FLRT2: variants seen among roughly 807,000 people sequenced by gnomAD.
FLRT2 encodes leucine-rich repeat transmembrane protein FLRT2.
FLRT2 carries 15 observed loss-of-function variants against 40.0 expected under a neutral mutation model. The ratio of observed to expected loss-of-function variants is 0.38; its 90% CI spans 0.25 to 0.58. The LOEUF (loss-of-function observed/expected upper bound fraction) is 0.58, where lower values mean the gene tolerates loss of function less well. Among genes scored for constraint, FLRT2 ranks in the 20% least tolerant of loss-of-function variants. The pLI is 0.71. For synonymous variants in FLRT2, 380 were observed against 336.8 expected (o/e 1.13, Z -1.41); for missense variants, 726 against 840.0 (o/e 0.86, Z 1.68).
chr14:85,589,232 G>C (rs1891774482), intron 1 of FLRT2, among the ~76,000 whole-genome samples: 1 of 152,124 alleles, frequency 6.6e-6, no homozygotes, highest in Admixed American at 6.5e-5. Context: ...CCCACCAGCA[G>C]GGTACAAAAG....
At chr14:85,554,121 A>C (rs1158663979) in intron 1 of FLRT2, among the ~76,000 whole-genome samples, 1 of 152,146 alleles carries the variant, frequency 6.6e-6, no homozygotes, top group Admixed American at 6.5e-5. Flanking sequence ...AACTTATTCA[A>C]AGGCTTTGTT....
intron 1 of FLRT2, among the ~76,000 whole-genome samples, chr14:85,608,307 G>A (rs1357000268): frequency 6.6e-6 from 1 of 151,674 alleles, no homozygotes. Flanking sequence ...TCGGCTCACT[G>A]CAGCCTCCAC....
rs531634984 is a variant in FLRT2 at position 85,623,110 on chromosome 14, G to A, written c.1596G>A (p.Thr532=). 16 of 1,611,990 alleles carry A rather than the reference G, an allele frequency of 9.9e-6. No homozygotes were observed. In the Admixed American group the frequency reaches 2.0e-4, roughly 20 times the overall value. Residue 532 remains threonine, a synonymous_variant, in exon 2 of 2, where the codon ACG becomes ACA. Transcript: ENST00000330753. ...ACACAGCGTCCAGCCATGAGCAGACGACGTCCCACAGCATGGGCTCCCCCT... is the reference window on the plus strand; with the variant it reads ...ACACAGCGTCCAGCCATGAGCAGACAACGTCCCACAGCATGGGCTCCCCCT... ...GSNTASSHEQ[T]TSHSMGSPFL...
chr14:85,620,853 T>TA (rs1188470488), intron 1 of FLRT2, among the ~76,000 whole-genome samples: 4 of 152,182 alleles, frequency 2.6e-5, no homozygotes, highest in African/African-American at 9.7e-5. Context: ...TGCAAATAGA[T>TA]AAAGAATAGA....
rs1006389088 is a variant in FLRT2, at chr14:85,624,544, C to A, written c.*1047C>A. The A allele has an allele frequency of 6.0e-6, 1 of 167,018 alleles. No homozygotes were observed. The highest frequency in any genetic ancestry group is 2.4e-5 in the African/African-American group (1 of 41,464). 10.3% of individuals were successfully genotyped at this position (167,018 alleles called of 1,614,324 possible). On this transcript the variant is annotated 3_prime_UTR_variant, in exon 2 of 2. Coordinates refer to ENST00000330753, the MANE Select transcript of FLRT2 (RefSeq NM_013231.6). Reference sequence around the variant, plus strand: ...CTTCCTGCTATTTAGACAAAAACAACTGATCAGTGGTTCTGTTATGTCAGC... The same window carrying A: ...CTTCCTGCTATTTAGACAAAAACAAATGATCAGTGGTTCTGTTATGTCAGC...
Position 85,634,510 on chromosome 14 carries a change from A to G in FLRT2, c.*11013A>G, listed in dbSNP as rs1265993945. The G allele has an allele frequency of 6.6e-6, 1 of 152,226 alleles. No homozygotes were observed. Among genetic ancestry groups the G allele is most frequent in the Non-Finnish European group, 1.5e-5 (1 of 68,030 alleles). The allele number at this position is 152,226 out of a possible 1,614,324, so 9.4% of individuals were successfully genotyped here. On this transcript the variant is annotated 3_prime_UTR_variant, in exon 2 of 2. Coordinates refer to ENST00000330753, the MANE Select transcript of FLRT2 (RefSeq NM_013231.6). ...CTGTTTTGTAATGGAGGCCAATTATATCTAACAGCAACTGTGTCTATAAGA... is the reference window on the plus strand; with the variant it reads ...CTGTTTTGTAATGGAGGCCAATTATGTCTAACAGCAACTGTGTCTATAAGA...
intron 1 of FLRT2, among the ~76,000 whole-genome samples, chr14:85,606,302 T>C (rs1341640445): frequency 1.3e-5 from 2 of 152,184 alleles, no homozygotes; most frequent in Non-Finnish European, 2.9e-5. Context: ...CAGTGTTTTC[T>C]ATGATTAAAT....
At chr14:85,567,462 A>T (rs1387481493) in intron 1 of FLRT2, among the ~76,000 whole-genome samples, 2 of 152,100 alleles carry the variant, frequency 1.3e-5, no homozygotes, top group Non-Finnish European at 2.9e-5. Context: ...ATTGGCTTAT[A>T]TCTTAGCTCT....
At position 85,623,694 on chromosome 14, in the gene FLRT2, TACAA is replaced by T. The variant is rs1943807211; in HGVS notation, c.*201_*204del. ...GCTATCTTTTCTATTTCAAGTTAAT[TACAA>T]ACAGTTTTGTAACTCTTTGCTTTTT... On this transcript the variant is annotated 3_prime_UTR_variant, in exon 2 of 2. Coordinates refer to ENST00000330753, the MANE Select transcript of FLRT2 (RefSeq NM_013231.6). 1 of 447,604 alleles carries T rather than the reference TACAA, an allele frequency of 2.2e-6. No individual in the cohort carries two copies. Among genetic ancestry groups the T allele is most frequent in the African/African-American group, 2.0e-5 (1 of 49,292 alleles). 27.7% of individuals were successfully genotyped at this position (447,604 alleles called of 1,614,324 possible).
At chr14:85,548,170 A>T (rs543543675) in intron 1 of FLRT2, among the ~76,000 whole-genome samples, 26 of 152,322 alleles carry the variant, frequency 1.7e-4, no homozygotes, top group African/African-American at 6.3e-4. Flanking sequence ...GTGTGGCCTC[A>T]ACCTACTTCT....
At chr14:85,617,843 G>C (rs1409704379) in intron 1 of FLRT2, among the ~76,000 whole-genome samples, 1 of 152,138 alleles carries the variant, frequency 6.6e-6, no homozygotes, top group African/African-American at 2.4e-5. Flanking sequence ...TGTCATAGCC[G>C]ATCAACACAT....
At chr14:85,566,472 C>T (rs1193197722) in intron 1 of FLRT2, among the ~76,000 whole-genome samples, 2 of 151,844 alleles carry the variant, frequency 1.3e-5, no homozygotes, top group Non-Finnish European at 1.5e-5. Flanking sequence ...TATCTTGATG[C>T]TCAGCCTGTA....
chr14:85,557,512 T>C (rs1006089589), intron 1 of FLRT2, among the ~76,000 whole-genome samples: 1 of 151,696 alleles, frequency 6.6e-6, no homozygotes, highest in African/African-American at 2.4e-5. Flanking sequence ...CCAGATAGAG[T>C]ATAAAAACAA....
Position 85,621,890 on chromosome 14 carries a change from C to A in FLRT2, c.376C>A (p.Arg126=). The A allele has an allele frequency of 1.2e-6, 2 of 1,607,652 alleles. No homozygotes were observed. Among genetic ancestry groups the A allele is most frequent in the Non-Finnish European group, 1.7e-6 (2 of 1,176,158 alleles). The change falls in exon 2 of 2, where the codon CGG becomes AGG. Residue 126 remains arginine, a synonymous_variant. Coordinates refer to ENST00000330753, the MANE Select transcript of FLRT2 (RefSeq NM_013231.6). ...GGAAAACAATATTCAGACCATTTCACGGGCTGCTCTTGCCCAGCTCTTGAA... is the reference window on the plus strand; with the variant it reads ...GGAAAACAATATTCAGACCATTTCAAGGGCTGCTCTTGCCCAGCTCTTGAA... ...LQENNIQTIS[R]AALAQLLKLE...
rs1006853204 is a variant in FLRT2, at chr14:85,636,310, A to G, written c.*12813A>G. ...ATTTAATGGTATTTGTATTGCAAACATTGAAATTCTACCTGGCAGTTTAAA... is the reference window on the plus strand; with the variant it reads ...ATTTAATGGTATTTGTATTGCAAACGTTGAAATTCTACCTGGCAGTTTAAA... On this transcript the variant is annotated 3_prime_UTR_variant, in exon 2 of 2. Coordinates refer to ENST00000330753, the MANE Select transcript of FLRT2 (RefSeq NM_013231.6). The G allele has an allele frequency of 7.0e-6, 1 of 143,748 alleles. No homozygotes were observed. The highest frequency in any genetic ancestry group is 2.5e-5 in the African/African-American group (1 of 39,370). The allele number at this position is 143,748 out of a possible 1,614,324, so 8.9% of individuals were successfully genotyped here.
rs548620718 is a variant in FLRT2, at chr14:85,619,985, G to A, written c.-376-1154G>A. Among the ~76,000 whole-genome samples the A allele has an allele frequency of 1.3e-3, 192 of 152,288 alleles. 1 individual carries two copies. Among genetic ancestry groups the A allele is most frequent in the African/African-American group, 4.3e-3 (178 of 41,560 alleles). The stretch of plus-strand genomic sequence containing the variant: ...GTTGAAAAATAATTTACCCCTAGTC[G>A]TGAGCTTGGCAACTCTTCAAGGGAT... On this transcript the variant is annotated intron_variant, in intron 1 of 1. Transcript: ENST00000330753.
At chr14:85,557,406 C>A (rs1279169041) in intron 1 of FLRT2, among the ~76,000 whole-genome samples, 1 of 152,068 alleles carries the variant, frequency 6.6e-6, no homozygotes, top group Non-Finnish European at 1.5e-5. Flanking sequence ...TCTGGAATTT[C>A]TTGTTTCTTC....
chr14:85,580,785 C>A (rs2139874930), intron 1 of FLRT2, among the ~76,000 whole-genome samples: 1 of 152,256 alleles, frequency 6.6e-6, no homozygotes, highest in Middle Eastern at 3.4e-3. Context: ...AGAAAAATGC[C>A]TGCCTTTTGA....
At chr14:85,588,681 C>T (rs1420706124) in intron 1 of FLRT2, among the ~76,000 whole-genome samples, 1 of 152,010 alleles carries the variant, frequency 6.6e-6, no homozygotes, top group African/African-American at 2.4e-5. Context: ...ATCATAGTCA[C>T]CCCGTTGTGC....
Sources: allele counts gnomAD v4.1 joint callset (sites outside exome capture counted in the v4.1 genomes callset), GRCh38; gene constraint gnomAD v4.1.1; transcripts MANE v1.5; gene names NCBI Gene and HGNC (gene_info 2026-07-23, HGNC 2026-07-21).